Variants in TTI2 observed in about 807,000 individuals in gnomAD.
TTI2 encodes the protein TELO2-interacting protein 2.
A neutral mutation model predicts 44.9 loss-of-function variants in TTI2; 26 were observed. That is an observed-to-expected ratio of 0.58 (90% CI 0.42 to 0.80). TTI2 has a LOEUF of 0.80. TTI2 is among the 30% of genes least tolerant of loss of function. TTI2 has a pLI of 0.00. For missense variants in TTI2, 582 were observed against 611.6 expected (o/e 0.95, Z 0.51); for synonymous variants, 254 against 250.9 (o/e 1.01, Z -0.12).
chr8:33,506,771 C>A lies in TTI2; in HGVS notation c.927+458G>T, dbSNP rs112167066. Reference sequence around the variant, plus strand: ...GCAGTGACGTGACCTCAGCTCACTGCAACCTCCGCCACCCGGGTTCAAATG... The same window carrying A: ...GCAGTGACGTGACCTCAGCTCACTGAAACCTCCGCCACCCGGGTTCAAATG... On this transcript the variant is annotated intron_variant, in intron 4 of 7. Transcript: ENST00000431156. Among the ~76,000 whole-genome samples, 1,143 of 151,830 alleles carry A rather than the reference C, an allele frequency of 7.5e-3. 21 individuals carry two copies. The highest frequency in any genetic ancestry group is 0.026 in the African/African-American group (1,092 of 41,380).
chr8:33,505,122 C>T (rs1262739593), intron 4 of TTI2, among the ~76,000 whole-genome samples: 1 of 152,072 alleles, frequency 6.6e-6, no homozygotes, highest in Non-Finnish European at 1.5e-5. Context: ...ACTAGGGAGG[C>T]TGAGGCAGAA....
Position 33,498,898 on chromosome 8 carries a change from G to A in TTI2, c.*275C>T. On this transcript the variant is annotated 3_prime_UTR_variant, in exon 8 of 8. Transcript: ENST00000431156. ...ACTTAACAGATGAGTTCTTGAATCT[G>A]GGATGAGATGACGGATGTAAATATT... The A allele has an allele frequency of 1.7e-6, 1 of 578,902 alleles. No homozygotes were observed. Among genetic ancestry groups the A allele is most frequent in the South Asian group, 2.2e-5 (1 of 45,736 alleles). The allele number at this position is 578,902 out of a possible 1,614,324, so 35.9% of individuals were successfully genotyped here. A position where few individuals can be genotyped will look rare whatever the true frequency, so the allele number is the denominator to read the frequency against.
At chr8:33,499,374 G>A in intron 7 of TTI2, 97 bp from the exon 8 acceptor site, 1 of 868,312 alleles carries the variant, frequency 1.2e-6, no homozygotes, top group Non-Finnish European at 1.9e-6. Flanking sequence ...ATTCAAAGGA[G>A]GAAAGAATGG....
intron 3 of TTI2, among the ~76,000 whole-genome samples, chr8:33,507,850 C>T (rs1318426395): frequency 6.6e-6 from 1 of 150,912 alleles, no homozygotes; most frequent in Non-Finnish European, 1.5e-5. Flanking sequence ...ATTAGTTGGC[C>T]TGGTGGTGCA....
intron 4 of TTI2, 29 bp from the exon 5 acceptor site, chr8:33,503,964 A>G (rs934117028): frequency 1.9e-6 from 3 of 1,610,988 alleles, no homozygotes; most frequent in Non-Finnish European, 2.5e-6. Flanking sequence ...AGGACGGTGC[A>G]TAGTTCATCC....
At position 33,500,432 on chromosome 8, in the gene TTI2, C is replaced by T; in HGVS notation, c.1318G>A (p.Ala440Thr). The T allele has an allele frequency of 1.2e-6, 2 of 1,614,068 alleles. No individual in the cohort carries two copies. Among genetic ancestry groups the T allele is most frequent in the East Asian group, 2.2e-5 (1 of 44,884 alleles). The change falls in exon 7 of 8, where the codon GCA (alanine) becomes ACA (threonine). Residue 440 changes from alanine (A) to threonine (T), a missense_variant. Transcript: ENST00000431156. The part of the protein sequence containing the change: ...KALLKLICDV[A>T]RDPNLTPESV... ...TCAGGTGTAAGGTTTGGATCCCTTGCTACATCACAAATCAGTTTCAAGAGG... is the reference window on the plus strand; with the variant it reads ...TCAGGTGTAAGGTTTGGATCCCTTGTTACATCACAAATCAGTTTCAAGAGG...
intron 2 of TTI2, among the ~76,000 whole-genome samples, chr8:33,510,698 G>C (rs1809495257): frequency 2.0e-5 from 3 of 152,074 alleles, no homozygotes; most frequent in Admixed American, 2.0e-4. Context: ...CTTTATATTA[G>C]AAACAAACAG....
chr8:33,512,274 C>A lies in TTI2; in HGVS notation c.340G>T (p.Ala114Ser), dbSNP rs1809565587. ...TTAAGAAACAGTAACCCAACTTGGG[C>A]TGCTTTCTCGGCCGCTTCGGAGTGC... Reference protein sequence around the residue: ...DGHSEAAEKAAQVGLLFLKLL... With the variant: ...DGHSEAAEKASQVGLLFLKLL... The change falls in exon 2 of 8, where the codon GCC becomes TCC. Residue 114 changes from alanine (A) to serine (S), a missense_variant. Transcript: ENST00000431156. 1.2e-6 allele frequency: 2 copies of A among 1,614,222 alleles called. No individual in the cohort carries two copies. Among genetic ancestry groups the A allele is most frequent in the Non-Finnish European group, 1.7e-6 (2 of 1,180,028 alleles).
rs750002741 is a variant in TTI2, at chr8:33,512,077, C to T, written c.537G>A (p.Leu179=). ...CAGAACCGCATTCAGTAACTTGAAG[C>T]AGTGAGGTGAGCACCTCCCTAGCAA... ...REVAREVLTS[L]LQVTECGSVA... The change falls in exon 2 of 8, where the codon CTG becomes CTA. Residue 179 remains leucine (L), a synonymous_variant. Coordinates refer to ENST00000431156, the MANE Select transcript of TTI2 (RefSeq NM_001102401.4). 6.2e-7 allele frequency: 1 copy of T among 1,614,084 alleles called. No individual in the cohort carries two copies. The highest frequency in any genetic ancestry group is 8.5e-7 in the Non-Finnish European group (1 of 1,180,012).
At chr8:33,506,161 C>G (rs1809285837) in intron 4 of TTI2, among the ~76,000 whole-genome samples, 1 of 152,168 alleles carries the variant, frequency 6.6e-6, no homozygotes, top group Non-Finnish European at 1.5e-5. Flanking sequence ...CATCTAAGTA[C>G]ATATTCGTAT....
At position 33,512,646 on chromosome 8, in the gene TTI2, C is replaced by T. The variant is rs754929175; in HGVS notation, c.-33G>A. ...TGCAGCACCAGAAGGCTGGTCTCTC[C>T]CACAGAACGAGGATGGAGGCGGGGA... On this transcript the variant is annotated 5_prime_UTR_variant, in exon 2 of 8. Transcript: ENST00000431156. 1.9e-5 allele frequency: 31 copies of T among 1,608,472 alleles called. No homozygotes were observed. The East Asian group carries it at 6.7e-4, about 35-fold the overall frequency.
rs751029011 is a variant in TTI2 at position 33,512,191 on chromosome 8, C to T, written c.423G>A (p.Thr141=). ...KNSLVGPAWQ[T]GLHHLAGPVY... is the part of the protein sequence containing the mutation. The stretch of plus-strand genomic sequence containing the variant: ...CGGGTCCTGCCAAGTGATGCAGGCC[C>T]GTCTGCCATGCAGGGCCGACCAGGG... Residue 141 remains threonine, a synonymous_variant, in exon 2 of 8, where the codon ACG becomes ACA. Transcript: ENST00000431156. 1.9e-6 allele frequency: 3 copies of T among 1,614,068 alleles called. No homozygotes were observed. The African/African-American group carries it at 4.0e-5, about 22-fold the overall frequency.
In TTI2 at chr8:33,512,373, T is replaced by A; in HGVS notation, c.241A>T (p.Thr81Ser). ...AGGGCTTTTGCTACCTGCCCCAGTGTCTCCGGCATTCCGCGGAGCCGTGCA... is the reference window on the plus strand; with the variant it reads ...AGGGCTTTTGCTACCTGCCCCAGTGACTCCGGCATTCCGCGGAGCCGTGCA... ...TGARLRGMPE[T>S]LGQVAKALEK... Residue 81 changes from threonine (T) to serine (S), a missense_variant, in exon 2 of 8, where the codon ACA becomes TCA. By Grantham distance (58) the Thr-to-Ser change is moderately conservative. Transcript: ENST00000431156. 2 of 1,614,200 alleles carry A rather than the reference T, an allele frequency of 1.2e-6. No individual in the cohort carries two copies. The highest frequency in any genetic ancestry group is 1.7e-6 in the Non-Finnish European group (2 of 1,180,038).
chr8:33,503,339 T>C, intron 6 of TTI2, 90 bp downstream of exon 6: 1 of 1,550,592 alleles, frequency 6.4e-7, no homozygotes, highest in Non-Finnish European at 8.8e-7. Context: ...ATAGTATACA[T>C]TTAATACTTT....
At chr8:33,508,617 C>CAAAAAA (rs55717202) in intron 3 of TTI2, among the ~76,000 whole-genome samples, 695 of 63,508 alleles carry the variant, frequency 0.011, 28 homozygotes, top group African/African-American at 0.03. Context: ...GACTCTGCCT[C>CAAAAAA]AAAAAAAAAA....
chr8:33,504,134 CTCAAA>C (rs1158837990), intron 4 of TTI2, among the ~76,000 whole-genome samples, 199 bp from the exon 5 acceptor site: 1 of 152,022 alleles, frequency 6.6e-6, no homozygotes, highest in Non-Finnish European at 1.5e-5. Context: ...ATCTGACAGT[CTCAAA>C]TCAATACATT....
At chr8:33,505,882 C>A (rs550019866) in intron 4 of TTI2, among the ~76,000 whole-genome samples, 1 of 151,952 alleles carries the variant, frequency 6.6e-6, no homozygotes, top group East Asian at 1.9e-4. Context: ...CTCGATCTCC[C>A]GACCTCGTGA....
intron 2 of TTI2, among the ~76,000 whole-genome samples, chr8:33,510,528 C>T (rs936203621): frequency 7.9e-5 from 12 of 152,124 alleles, no homozygotes; most frequent in African/African-American, 2.9e-4. Context: ...ACACTTGCAC[C>T]ACCATACCCG....
chr8:33,504,553 C>A (rs942818622), intron 4 of TTI2, among the ~76,000 whole-genome samples: 6 of 151,858 alleles, frequency 4.0e-5, no homozygotes, highest in Non-Finnish European at 8.8e-5. Flanking sequence ...AGGATTTATC[C>A]CTAGGCCAGG....
Sources: gnomAD v4.1 joint callset for allele counts (sites outside exome capture counted in the v4.1 genomes callset) on GRCh38, gnomAD v4.1.1 for gene constraint, MANE v1.5 for transcripts, NCBI Gene and HGNC (gene_info 2026-07-23, HGNC 2026-07-21) for gene names.